The following JMY variants were observed in gnomAD, a reference collection of about 807,000 sequenced individuals.
The protein encoded by JMY is junction mediating and regulatory protein, p53 cofactor, also known as junction-mediating and -regulatory protein.
In JMY, 46 loss-of-function variants were observed where a neutral mutation model predicts 103.3. The ratio of observed to expected loss-of-function variants is 0.45; its 90% CI spans 0.35 to 0.57. The LOEUF (loss-of-function observed/expected upper bound fraction) is 0.57, where lower values mean the gene tolerates loss of function less well. Ranked by LOEUF, JMY falls within the 20% of genes least tolerant of loss-of-function variation. The probability of loss-of-function intolerance (pLI) is 0.00; values close to 1 mark genes in which losing one functional copy is unlikely to be tolerated. For missense variants in JMY, 1,238 were observed against 1,255.2 expected, an observed-to-expected ratio of 0.99 and a Z score of 0.21; for synonymous variants, 526 against 489.3, an observed-to-expected ratio of 1.07 and a Z score of -0.99.
intron 6 of JMY, among the ~76,000 whole-genome samples, chr5:79,304,116 T>A (rs1746816100): frequency 6.6e-6 from 1 of 152,162 alleles, no homozygotes; most frequent in Non-Finnish European, 1.5e-5. Context: ...TTAATCTAAA[T>A]CTGAAGTAGG....
At chr5:79,304,273 A>G (rs1039148424) in intron 6 of JMY, among the ~76,000 whole-genome samples, 25 of 152,192 alleles carry the variant, frequency 1.6e-4, no homozygotes, top group Non-Finnish European at 1.5e-5. Context: ...ACTAAGTCCT[A>G]AAAAGAAAAG....
chr5:79,255,593 A>G (rs1745215498), intron 1 of JMY, among the ~76,000 whole-genome samples: 3 of 152,138 alleles, frequency 2.0e-5, no homozygotes. Context: ...GGCTTTCCAC[A>G]TATTCTAAAG....
chr5:79,249,176 C>T (rs1026266603), intron 1 of JMY, among the ~76,000 whole-genome samples: 1 of 151,612 alleles, frequency 6.6e-6, no homozygotes, highest in Non-Finnish European at 1.5e-5. Context: ...TGTGAATTAA[C>T]TTCATTATTG....
intron 1 of JMY, among the ~76,000 whole-genome samples, chr5:79,256,145 G>A (rs919555885): frequency 6.6e-6 from 1 of 152,242 alleles, no homozygotes; most frequent in Admixed American, 6.5e-5. Flanking sequence ...ACACCACTAG[G>A]TGGAGTCCTT....
chr5:79,282,908 T>C (rs1419673197), intron 2 of JMY, among the ~76,000 whole-genome samples: 1 of 151,790 alleles, frequency 6.6e-6, no homozygotes, highest in Non-Finnish European at 1.5e-5. Context: ...ATGGTTGGAA[T>C]GTTATTATAT....
chr5:79,283,190 T>G (rs529643172), intron 2 of JMY, among the ~76,000 whole-genome samples: 13 of 151,946 alleles, frequency 8.6e-5, no homozygotes, highest in African/African-American at 3.1e-4. Context: ...GGGGGTTTCC[T>G]CCATGTTAGG....
chr5:79,306,901 C>A (rs1053872634), intron 7 of JMY, among the ~76,000 whole-genome samples: 2 of 152,060 alleles, frequency 1.3e-5, no homozygotes, highest in Non-Finnish European at 2.9e-5. Context: ...TCCAAAAATC[C>A]CTTTGTTCCG....
intron 10 of JMY, among the ~76,000 whole-genome samples, chr5:79,320,454 GGCGCACCACCAT>G (rs1747414950): frequency 1.3e-5 from 2 of 151,710 alleles, no homozygotes; most frequent in South Asian, 4.2e-4. Context: ...TGGGATTACA[GGCGCACCACCAT>G]GCCCAGCTAA....
chr5:79,288,688 G>C (rs1471714366), intron 2 of JMY, among the ~76,000 whole-genome samples: 1 of 150,394 alleles, frequency 6.6e-6, no homozygotes. Context: ...TTGTTTTTTT[G>C]GTATTCTAAT....
In JMY at chr5:79,265,431, C is replaced by T. The variant is rs189242847; in HGVS notation, c.1033-12479C>T. 1.2e-3 allele frequency among the ~76,000 whole-genome samples: 181 copies of T among 152,146 alleles called. 2 individuals carry two copies. Among genetic ancestry groups the T allele is most frequent in the Admixed American group, 3.1e-3 (47 of 15,288 alleles). ...GCAGTCTTAACTACAATTCAGAGTC[C>T]CATTCTGCAGATCTAAAGGTGAGGT... On this transcript the variant is annotated intron_variant, in intron 1 of 10. Transcript: ENST00000396137.
chr5:79,285,211 T>G (rs190577964), intron 2 of JMY, among the ~76,000 whole-genome samples: 2 of 152,342 alleles, frequency 1.3e-5, no homozygotes, highest in Admixed American at 1.3e-4. Flanking sequence ...AATGTGCATT[T>G]CATTCTTATC....
chr5:79,325,880 G>C lies in JMY; in HGVS notation c.*4278G>C, dbSNP rs1747624964. 2 of 152,160 alleles carry C rather than the reference G, an allele frequency of 1.3e-5. No homozygotes were observed. Among genetic ancestry groups the C allele is most frequent in the South Asian group, 4.1e-4 (2 of 4,832 alleles). 9.4% of individuals were successfully genotyped at this position (152,160 alleles called of 1,614,324 possible). A position where few individuals can be genotyped will look rare whatever the true frequency, so the allele number is the denominator to read the frequency against. On this transcript the variant is annotated 3_prime_UTR_variant, in exon 11 of 11. Coordinates refer to ENST00000396137, the MANE Select transcript of JMY (RefSeq NM_152405.5). ...GCGGGAGGGAGTCTAGATTCGGCGA[G>C]AGTGTGCGTTTGTGTGTGTGAATGT...
chr5:79,242,655 T>C (rs1290188270), intron 1 of JMY, among the ~76,000 whole-genome samples: 1 of 152,224 alleles, frequency 6.6e-6, no homozygotes, highest in Non-Finnish European at 1.5e-5. Flanking sequence ...TTTTCTGCCA[T>C]GCCTGTGGCC....
At chr5:79,293,667 A>G (rs1234062909) in intron 4 of JMY, among the ~76,000 whole-genome samples, 2 of 152,208 alleles carry the variant, frequency 1.3e-5, no homozygotes, top group African/African-American at 4.8e-5. Flanking sequence ...AATTTTGCAC[A>G]CAATTTTAGT....
At position 79,236,643 on chromosome 5, in the gene JMY, G is replaced by C; in HGVS notation, c.-8G>C. The C allele has an allele frequency of 1.4e-6, 2 of 1,389,798 alleles. No homozygotes were observed. 86.1% of individuals were successfully genotyped at this position (1,389,798 alleles called of 1,614,324 possible). On this transcript the variant is annotated 5_prime_UTR_variant, in exon 1 of 11. Coordinates refer to ENST00000396137, the MANE Select transcript of JMY (RefSeq NM_152405.5). ...GGCCCTTCCCCGCGGCGAGAAGCCGGAGCCACCATGTCGTTCGCGCTGGAG... is the reference window on the plus strand; with the variant it reads ...GGCCCTTCCCCGCGGCGAGAAGCCGCAGCCACCATGTCGTTCGCGCTGGAG...
At chr5:79,305,801 C>CA (rs1023750144) in intron 6 of JMY, among the ~76,000 whole-genome samples, 6 of 152,162 alleles carry the variant, frequency 3.9e-5, no homozygotes, top group Admixed American at 1.3e-4. Flanking sequence ...CCAGTCTGGA[C>CA]AAAAAATTCA....
chr5:79,236,309 A>G lies in JMY; in HGVS notation c.-342A>G, dbSNP rs1257470800. Reference sequence around the variant, plus strand: ...GACCCCGCGGGACCCGCGCCTCACCACCGGAGCGCCGCAGACGCAGCTCCA... The same window carrying G: ...GACCCCGCGGGACCCGCGCCTCACCGCCGGAGCGCCGCAGACGCAGCTCCA... On this transcript the variant is annotated 5_prime_UTR_variant, in exon 1 of 11. Transcript: ENST00000396137. 2 of 192,406 alleles carry G rather than the reference A, an allele frequency of 1.0e-5. No homozygotes were observed. The highest frequency in any genetic ancestry group is 2.1e-5 in the Non-Finnish European group (2 of 95,308). The allele number at this position is 192,406 out of a possible 1,614,324, so 11.9% of individuals were successfully genotyped here. A position where few individuals can be genotyped will look rare whatever the true frequency, so the allele number is the denominator to read the frequency against.
intron 2 of JMY, among the ~76,000 whole-genome samples, chr5:79,280,894 C>G (rs1470590502): frequency 7.0e-6 from 1 of 142,656 alleles, no homozygotes; most frequent in Non-Finnish European, 1.5e-5. Flanking sequence ...CTTGTTACTT[C>G]TAAGTTAAAA....
At position 79,270,349 on chromosome 5, in the gene JMY, CATAA is replaced by C. The variant is rs1041777326; in HGVS notation, c.1033-7557_1033-7554del. Among the ~76,000 whole-genome samples, 10 of 133,596 alleles carry C rather than the reference CATAA, an allele frequency of 7.5e-5. No individual in the cohort carries two copies. In the South Asian group the frequency reaches 1.8e-3, roughly 24 times the overall value. The allele number at this position is 133,596 out of a possible 152,430, so 87.6% of individuals were successfully genotyped here. A position where few individuals can be genotyped will look rare whatever the true frequency, so the allele number is the denominator to read the frequency against. On this transcript the variant is annotated intron_variant, in intron 1 of 10. Coordinates refer to ENST00000396137, the MANE Select transcript of JMY (RefSeq NM_152405.5). ...CATAAATATTTAAAATATATATTTA[CATAA>C]ATATTTAAAATGTATATTTACATAA...
Sources: gnomAD v4.1 joint callset for allele counts (sites outside exome capture counted in the v4.1 genomes callset) on GRCh38, gnomAD v4.1.1 for gene constraint, MANE v1.5 for transcripts, NCBI Gene and HGNC (gene_info 2026-07-23, HGNC 2026-07-21) for gene names.